The following VIT variants were observed in gnomAD, a reference collection of about 807,000 sequenced individuals.
The protein encoded by VIT is vitrin.
Under a neutral mutation model 78.0 loss-of-function variants are expected in VIT, and 99 were observed. That is an observed-to-expected ratio of 1.27 (90% confidence interval 1.08 to 1.50). VIT has a LOEUF of 1.50. VIT is among the 40% of genes most tolerant of loss of function. The pLI is 0.00. For synonymous variants in VIT, 374 were observed against 334.3 expected (o/e 1.12, Z -1.29); for missense variants, 1,126 against 875.3 (o/e 1.29, Z -3.61).
chr2:36,718,664 C>A (rs1297901164), intron 2 of VIT, among the ~76,000 whole-genome samples: 3 of 152,156 alleles, frequency 2.0e-5, no homozygotes, highest in African/African-American at 7.2e-5. Context: ...TATTCCCTGG[C>A]TCCTGTCAGA....
intron 2 of VIT, among the ~76,000 whole-genome samples, chr2:36,720,143 T>C (rs541887259): frequency 6.6e-6 from 1 of 152,082 alleles, no homozygotes; most frequent in East Asian, 1.9e-4. Flanking sequence ...GAAAAAAAAT[T>C]CTAAATTCAT....
chr2:36,774,703 G>A, intron 8 of VIT: 1 of 985,308 alleles, frequency 1.0e-6, no homozygotes, highest in African/African-American at 1.7e-5. Flanking sequence ...CTGTTGTCCT[G>A]GACAAAAAGG....
At chr2:36,767,008 G>A in intron 6 of VIT, 86 bp from the exon 7 acceptor site, 1 of 1,383,176 alleles carries the variant, frequency 7.2e-7, no homozygotes. Context: ...CATAGCTAGT[G>A]TTCAATCAAC....
At chr2:36,714,579 G>A (rs1666008769) in intron 1 of VIT, among the ~76,000 whole-genome samples, 1 of 152,180 alleles carries the variant, frequency 6.6e-6, no homozygotes. Context: ...CCAGAGGGGA[G>A]GAGTGTTTTA....
intron 6 of VIT, among the ~76,000 whole-genome samples, chr2:36,765,251 G>T (rs1482727949): frequency 6.6e-6 from 1 of 152,132 alleles, no homozygotes; most frequent in Non-Finnish European, 1.5e-5. Context: ...GGAGGAGGTT[G>T]TATTAGTTCG....
At chr2:36,721,629 A>C (rs1271080918) in intron 2 of VIT, among the ~76,000 whole-genome samples, 2 of 152,084 alleles carry the variant, frequency 1.3e-5, no homozygotes, top group African/African-American at 4.8e-5. Flanking sequence ...TTGCTTGTGG[A>C]GCCTTCCTGA....
intron 1 of VIT, among the ~76,000 whole-genome samples, chr2:36,714,246 A>G (rs1184891257): frequency 1.3e-5 from 2 of 152,218 alleles, no homozygotes; most frequent in African/African-American, 4.8e-5. Context: ...ATAATCTAAT[A>G]ATTGCTTTTT....
chr2:36,800,878 G>C (rs1666274069), intron 12 of VIT, among the ~76,000 whole-genome samples: 1 of 152,198 alleles, frequency 6.6e-6, no homozygotes, highest in Non-Finnish European at 1.5e-5. Context: ...GGGTAACCCA[G>C]AGAGTGGCTG....
At chr2:36,754,678 T>C (rs56870400) in intron 4 of VIT, among the ~76,000 whole-genome samples, 7,112 of 152,072 alleles carry the variant, frequency 0.047, 418 homozygotes, top group African/African-American at 0.13. Context: ...CAAAAAGAAA[T>C]CCCTGACAGA....
intron 14 of VIT, among the ~76,000 whole-genome samples, chr2:36,805,886 T>A (rs969236881): frequency 2.6e-5 from 4 of 152,032 alleles, no homozygotes; most frequent in African/African-American, 9.7e-5. Flanking sequence ...TGTACTCGAA[T>A]TCTCAGCTAG....
At chr2:36,705,516 T>C (rs1665362187) in intron 1 of VIT, among the ~76,000 whole-genome samples, 1 of 152,150 alleles carries the variant, frequency 6.6e-6, no homozygotes, top group African/African-American at 2.4e-5. Flanking sequence ...GGCTTTCCCT[T>C]TTTGGTTTTC....
chr2:36,785,312 A>G (rs1251108094), intron 11 of VIT, among the ~76,000 whole-genome samples: 1 of 152,176 alleles, frequency 6.6e-6, no homozygotes, highest in Non-Finnish European at 1.5e-5. Context: ...GGAGCCTGAG[A>G]GTCTAGCAAA....
intron 1 of VIT, among the ~76,000 whole-genome samples, chr2:36,708,128 A>T (rs1368926015): frequency 8.7e-6 from 1 of 115,288 alleles, no homozygotes; most frequent in African/African-American, 2.9e-5. Context: ...CCGCCCACCT[A>T]GTGCCAGCTT....
At chr2:36,750,685 G>C (rs546958144) in intron 4 of VIT, among the ~76,000 whole-genome samples, 1 of 151,906 alleles carries the variant, frequency 6.6e-6, no homozygotes, top group East Asian at 1.9e-4. Flanking sequence ...GCTGGGCATG[G>C]CGGTGCACAC....
chr2:36,712,768 G>T (rs147825970), intron 1 of VIT, among the ~76,000 whole-genome samples: 177 of 152,346 alleles, frequency 1.2e-3, no homozygotes, highest in African/African-American at 4.0e-3. Context: ...CCGGGAGGTG[G>T]ACGTTGCAGT....
chr2:36,800,296 G>A (rs998180915), intron 12 of VIT, among the ~76,000 whole-genome samples: 1 of 152,168 alleles, frequency 6.6e-6, no homozygotes, highest in Admixed American at 6.5e-5. Context: ...AGTGAGCTGA[G>A]ATCGCGCCAC....
At chr2:36,762,444 G>A (rs949216908) in intron 6 of VIT, among the ~76,000 whole-genome samples, 5 of 151,928 alleles carry the variant, frequency 3.3e-5, no homozygotes, top group African/African-American at 7.3e-5. Context: ...CATCTCCTAC[G>A]TGCAAGACCC....
intron 3 of VIT, among the ~76,000 whole-genome samples, chr2:36,737,518 A>G (rs980107632): frequency 6.6e-6 from 1 of 152,244 alleles, no homozygotes; most frequent in Non-Finnish European, 1.5e-5. Flanking sequence ...CTGTTGAAAT[A>G]GACTTAATTT....
chr2:36,739,955 T>C (rs941744415), intron 3 of VIT, among the ~76,000 whole-genome samples: 2 of 152,350 alleles, frequency 1.3e-5, no homozygotes, highest in South Asian at 2.1e-4. Flanking sequence ...AAGTTCTTTT[T>C]AGAACTTACA....
Sources: gnomAD v4.1 joint callset for allele counts (sites outside exome capture counted in the v4.1 genomes callset) on GRCh38, gnomAD v4.1.1 for gene constraint, MANE v1.5 for transcripts, NCBI Gene and HGNC (gene_info 2026-07-23, HGNC 2026-07-21) for gene names.